ADAMTS6: variants seen among roughly 807,000 people sequenced by gnomAD.
ADAMTS6 encodes the protein A disintegrin and metalloproteinase with thrombospondin motifs 6.
In ADAMTS6, 23 loss-of-function variants were observed where a neutral mutation model predicts 144.3. The observed-to-expected ratio is 0.16, with a 90% CI of 0.11 to 0.23. The LOEUF is 0.23. ADAMTS6 is among the 10% of genes least tolerant of loss of function. The pLI is 1.00. For synonymous variants in ADAMTS6, 444 were observed against 457.5 expected (o/e 0.97, Z 0.38); for missense variants, 999 against 1,379.6 (o/e 0.72, Z 4.37).
intron 10 of ADAMTS6, 50 bp from the exon 11 acceptor site, chr5:65,291,520 T>C: frequency 6.5e-7 from 1 of 1,532,884 alleles, no homozygotes; most frequent in Non-Finnish European, 8.8e-7. Flanking sequence ...TGGGCTATTT[T>C]AGTCACAATT....
intron 8 of ADAMTS6, among the ~76,000 whole-genome samples, chr5:65,332,391 T>C (rs1746850414): frequency 1.3e-5 from 2 of 151,196 alleles, no homozygotes; most frequent in South Asian, 4.2e-4. Context: ...TCTTCAAATA[T>C]AGATACACTA....
At chr5:65,371,360 T>C (rs1471807206) in intron 7 of ADAMTS6, among the ~76,000 whole-genome samples, 1 of 151,912 alleles carries the variant, frequency 6.6e-6, no homozygotes, top group Non-Finnish European at 1.5e-5. Flanking sequence ...GGCAAAGAAG[T>C]TGAAAACTTT....
chr5:65,156,343 A>C lies in ADAMTS6; in HGVS notation c.3245-4398T>G, dbSNP rs563156795. On this transcript the variant is annotated intron_variant, in intron 24 of 24. Coordinates refer to ENST00000381055, the MANE Select transcript of ADAMTS6 (RefSeq NM_197941.4). ...GAAAACAAAACAAAACAAACAAAAA[A>C]CCAAAAAAACAAAAACAAAAAACAC... 5.3e-5 allele frequency among the ~76,000 whole-genome samples: 8 copies of C among 152,148 alleles called. No individual in the cohort carries two copies. The South Asian group carries it at 1.5e-3, about 28-fold the overall frequency.
intron 18 of ADAMTS6, among the ~76,000 whole-genome samples, chr5:65,216,447 A>T (rs1424707338): frequency 6.6e-6 from 1 of 150,756 alleles, no homozygotes; most frequent in Non-Finnish European, 1.5e-5. Flanking sequence ...GAGAATGGGG[A>T]TTCACCTGCT....
At chr5:65,318,988 A>G (rs985098021) in intron 9 of ADAMTS6, among the ~76,000 whole-genome samples, 21 of 152,202 alleles carry the variant, frequency 1.4e-4, no homozygotes, top group African/African-American at 2.9e-4. Context: ...AACATCTCAT[A>G]TATCACATAA....
intron 10 of ADAMTS6, among the ~76,000 whole-genome samples, chr5:65,292,080 A>C (rs1742370131): frequency 6.6e-6 from 1 of 152,158 alleles, no homozygotes; most frequent in African/African-American, 2.4e-5. Context: ...GAATTGGAAA[A>C]GAGAATGTTC....
chr5:65,452,670 T>A, intron 5 of ADAMTS6, 37 bp downstream of exon 5: 1 of 1,601,540 alleles, frequency 6.2e-7, no homozygotes, highest in Non-Finnish European at 8.5e-7. Context: ...ACACAACAAA[T>A]ATGAAGTAAA....
At chr5:65,415,512 G>T in intron 7 of ADAMTS6, 1 of 288,772 alleles carries the variant, frequency 3.5e-6, no homozygotes. Flanking sequence ...CAAGGCCTTG[G>T]ACTAGGAGTG....
At chr5:65,400,072 C>T (rs1339775619) in intron 7 of ADAMTS6, among the ~76,000 whole-genome samples, 1 of 152,158 alleles carries the variant, frequency 6.6e-6, no homozygotes, top group East Asian at 1.9e-4. Context: ...AAATGTTTCA[C>T]TCCTCTCACT....
At chr5:65,442,233 T>A (rs1757920357) in intron 7 of ADAMTS6, among the ~76,000 whole-genome samples, 2 of 152,088 alleles carry the variant, frequency 1.3e-5, no homozygotes, top group South Asian at 4.1e-4. Flanking sequence ...GATTTTACTA[T>A]ACATTCTACA....
intron 7 of ADAMTS6, among the ~76,000 whole-genome samples, chr5:65,368,500 T>G (rs192087289): frequency 3.9e-5 from 6 of 152,308 alleles, no homozygotes; most frequent in Admixed American, 2.6e-4. Flanking sequence ...TCAAGATAAC[T>G]TCCCTTCTTT....
intron 7 of ADAMTS6, among the ~76,000 whole-genome samples, chr5:65,403,181 G>A (rs1480394428): frequency 2.0e-5 from 3 of 151,884 alleles, no homozygotes; most frequent in Admixed American, 1.3e-4. Context: ...ACACTTTCTC[G>A]TGATTCTCTT....
intron 9 of ADAMTS6, among the ~76,000 whole-genome samples, chr5:65,307,594 A>G (rs1739366780): frequency 6.6e-6 from 1 of 152,204 alleles, no homozygotes; most frequent in African/African-American, 2.4e-5. Flanking sequence ...AAGTTATACA[A>G]TTCACATATA....
intron 7 of ADAMTS6, among the ~76,000 whole-genome samples, chr5:65,385,973 T>C (rs1461346588): frequency 7.2e-5 from 11 of 152,208 alleles, no homozygotes; most frequent in African/African-American, 2.4e-5. Context: ...ATGTCTTCTA[T>C]GGTTAGAGAA....
At chr5:65,304,987 A>G (rs1244431942) in intron 9 of ADAMTS6, among the ~76,000 whole-genome samples, 6 of 152,060 alleles carry the variant, frequency 3.9e-5, no homozygotes, top group Non-Finnish European at 7.4e-5. Flanking sequence ...TGTATACTAG[A>G]TAACAGTAGT....
At chr5:65,259,989 T>A (rs1761039653) in intron 14 of ADAMTS6, among the ~76,000 whole-genome samples, 1 of 152,116 alleles carries the variant, frequency 6.6e-6, no homozygotes, top group African/African-American at 2.4e-5. Context: ...ATTCAAGGGC[T>A]AAGAGAGAAA....
At chr5:65,168,067 T>C (rs1753311839) in intron 24 of ADAMTS6, among the ~76,000 whole-genome samples, 1 of 148,576 alleles carries the variant, frequency 6.7e-6, no homozygotes, top group Non-Finnish European at 1.5e-5. Context: ...TAAAGAATAT[T>C]CAATTAGGAA....
intron 2 of ADAMTS6, among the ~76,000 whole-genome samples, chr5:65,472,376 T>C (rs1455925975): frequency 3.3e-5 from 5 of 152,224 alleles, no homozygotes; most frequent in Admixed American, 1.3e-4. Flanking sequence ...GCGATGACAC[T>C]AGTGCCAAAA....
At chr5:65,353,369 G>A (rs933515723) in intron 7 of ADAMTS6, among the ~76,000 whole-genome samples, 1 of 152,036 alleles carries the variant, frequency 6.6e-6, no homozygotes. Context: ...GGGCTGGGAA[G>A]TAGTAAACTT....
Sources: gnomAD v4.1 joint callset for allele counts (sites outside exome capture counted in the v4.1 genomes callset) on GRCh38, gnomAD v4.1.1 for gene constraint, MANE v1.5 for transcripts, NCBI Gene and HGNC (gene_info 2026-07-23, HGNC 2026-07-21) for gene names.